The following BCAS3 variants were observed in gnomAD, a reference collection of about 807,000 sequenced individuals.
The protein encoded by BCAS3 is BCAS3 microtubule associated cell migration factor, also known as BCAS4/BCAS3 fusion.
A neutral mutation model predicts 116.1 loss-of-function variants in BCAS3; 53 were observed. The observed-to-expected ratio is 0.46, with a 90% CI of 0.37 to 0.57. The LOEUF (loss-of-function observed/expected upper bound fraction) is 0.57. Among genes scored for constraint, BCAS3 ranks in the 20% least tolerant of loss-of-function variants. The probability of loss-of-function intolerance (pLI) is 0.00; values close to 1 mark genes in which losing one functional copy is unlikely to be tolerated. For missense variants in BCAS3, 917 were observed against 1,165.4 expected (o/e 0.79, Z 3.10); for synonymous variants, 391 against 408.2 (o/e 0.96, Z 0.51).
At chr17:61,216,070 A>T (rs1013729896) in intron 22 of BCAS3, among the ~76,000 whole-genome samples, 7 of 152,164 alleles carry the variant, frequency 4.6e-5, no homozygotes, top group Admixed American at 2.6e-4. Flanking sequence ...TATTGCATAG[A>T]TTTTATTCCA....
intron 7 of BCAS3, among the ~76,000 whole-genome samples, chr17:60,814,383 T>G (rs2049172583): frequency 1.3e-5 from 2 of 152,028 alleles, no homozygotes; most frequent in South Asian, 4.2e-4. Flanking sequence ...TATAGAAATG[T>G]TACTGATTTT....
intron 6 of BCAS3, among the ~76,000 whole-genome samples, chr17:60,786,547 GTATATA>G (rs72319489): frequency 1.4e-5 from 2 of 140,698 alleles, no homozygotes; most frequent in Non-Finnish European, 1.6e-5. Context: ...CTGCAAATGT[GTATATA>G]TATATATATA....
chr17:61,386,133 C>T (rs999374747), intron 23 of BCAS3, among the ~76,000 whole-genome samples: 1 of 152,256 alleles, frequency 6.6e-6, no homozygotes. Flanking sequence ...TTCTTAGAAC[C>T]AGGCCATGAC....
intron 10 of BCAS3, among the ~76,000 whole-genome samples, chr17:60,890,020 GAACTTCATTCTATT>G (rs767406548): frequency 1.3e-5 from 2 of 152,202 alleles, no homozygotes; most frequent in African/African-American, 2.4e-5. Flanking sequence ...TTTATATAGA[GAACTTCATTCTATT>G]AATTTGCAGC....
In BCAS3 at chr17:61,134,148, T is replaced by C. The variant is rs1275875426; in HGVS notation, c.2425+49584T>C. ...ATATAGTCTGCTATAGTCTGGCCAGTATGAATTAAATAAAAGTCACATTCA... is the reference window on the plus strand; with the variant it reads ...ATATAGTCTGCTATAGTCTGGCCAGCATGAATTAAATAAAAGTCACATTCA... On this transcript the variant is annotated intron_variant, in intron 22 of 23. Transcript: ENST00000407086. This position sits in a 1 kb window ranked among gnomAD's most constrained non-coding sequence, Gnocchi z 4.6. 6.6e-6 allele frequency among the ~76,000 whole-genome samples: 1 copy of C among 152,160 alleles called. No individual in the cohort carries two copies. Among genetic ancestry groups the C allele is most frequent in the Non-Finnish European group, 1.5e-5 (1 of 68,028 alleles).
intron 22 of BCAS3, among the ~76,000 whole-genome samples, chr17:61,178,770 A>G (rs2079297636): frequency 6.6e-6 from 1 of 152,190 alleles, no homozygotes. Context: ...AAAATCAAAT[A>G]AATATTCCTC....
rs1049080010 is a variant in BCAS3 at position 61,344,064 on chromosome 17, G to A, written c.2426-24263G>A. On this transcript the variant is annotated intron_variant, in intron 22 of 23. Transcript: ENST00000407086. This position sits in a 1 kb window ranked among gnomAD's most constrained non-coding sequence, Gnocchi z 4.1. Reference sequence around the variant, plus strand: ...GGCAAGAGTCAGTAATAAGATCAGAGAGTAGAAGACTAGGGCCAGGAGCGT... The same window carrying A: ...GGCAAGAGTCAGTAATAAGATCAGAAAGTAGAAGACTAGGGCCAGGAGCGT... Among the ~76,000 whole-genome samples, 1 of 152,148 alleles carries A rather than the reference G, an allele frequency of 6.6e-6. No homozygotes were observed. Among genetic ancestry groups the A allele is most frequent in the Non-Finnish European group, 1.5e-5 (1 of 68,038 alleles).
chr17:60,787,932 A>G (rs966294009), intron 6 of BCAS3, among the ~76,000 whole-genome samples: 1 of 150,966 alleles, frequency 6.6e-6, no homozygotes, highest in Non-Finnish European at 1.5e-5. Flanking sequence ...TTTTTTTTTA[A>G]CTAGAAAAGT....
chr17:60,763,900 C>T (rs1191980637), intron 6 of BCAS3, among the ~76,000 whole-genome samples: 5 of 152,078 alleles, frequency 3.3e-5, no homozygotes, highest in African/African-American at 7.2e-5. Flanking sequence ...TTCAGAGATT[C>T]AACTTCTTCT....
intron 7 of BCAS3, among the ~76,000 whole-genome samples, chr17:60,849,324 C>T (rs528937460): frequency 3.2e-4 from 47 of 148,386 alleles, no homozygotes; most frequent in African/African-American, 1.1e-3. Flanking sequence ...TCTCTTTATT[C>T]ATTTCCTTTT....
At chr17:60,814,865 CTATTATT>C (rs1432041128) in intron 7 of BCAS3, among the ~76,000 whole-genome samples, 1 of 152,070 alleles carries the variant, frequency 6.6e-6, no homozygotes, top group Non-Finnish European at 1.5e-5. Flanking sequence ...TTCAGGAACA[CTATTATT>C]TAAAAGTCCT....
chr17:61,297,731 G>A (rs1010839726), intron 22 of BCAS3, among the ~76,000 whole-genome samples: 4 of 152,032 alleles, frequency 2.6e-5, no homozygotes, highest in Non-Finnish European at 4.4e-5. Flanking sequence ...GGGTGAAATC[G>A]GAAATCTAGG....
At chr17:60,999,887 T>C (rs1370415251) in intron 15 of BCAS3, among the ~76,000 whole-genome samples, 1 of 152,162 alleles carries the variant, frequency 6.6e-6, no homozygotes, top group Non-Finnish European at 1.5e-5. Flanking sequence ...TAGACGTATT[T>C]CTAGGTATTT....
intron 22 of BCAS3, among the ~76,000 whole-genome samples, chr17:61,242,486 C>CAG (rs1413245056): frequency 3.9e-5 from 6 of 152,036 alleles, no homozygotes; most frequent in African/African-American, 1.4e-4. Flanking sequence ...AGAGTGTAGC[C>CAG]CTCCTCCCTT....
At chr17:61,230,430 G>T (rs2082609557) in intron 22 of BCAS3, among the ~76,000 whole-genome samples, 1 of 151,960 alleles carries the variant, frequency 6.6e-6, no homozygotes, top group Non-Finnish European at 1.5e-5. Flanking sequence ...CGCCCAATAG[G>T]TAGTTTTTCA....
intron 5 of BCAS3, among the ~76,000 whole-genome samples, chr17:60,721,948 A>G (rs2039284662): frequency 1.3e-5 from 2 of 152,154 alleles, no homozygotes; most frequent in Admixed American, 1.3e-4. Flanking sequence ...TCTAAGAAAT[A>G]TGGTCATAGA....
At chr17:61,125,419 G>C (rs1241136819) in intron 22 of BCAS3, among the ~76,000 whole-genome samples, 1 of 152,042 alleles carries the variant, frequency 6.6e-6, no homozygotes, top group Non-Finnish European at 1.5e-5. Context: ...CAAGGATGAA[G>C]GACTAATCTA....
chr17:61,321,946 T>TTTG (rs1568848212), intron 22 of BCAS3, among the ~76,000 whole-genome samples: 3,283 of 152,108 alleles, frequency 0.022, 116 homozygotes, highest in African/African-American at 0.075. Context: ...TTGTTTGTTT[T>TTTG]TTTTGAGACG....
chr17:61,049,677 T>A (rs985472415), intron 19 of BCAS3, among the ~76,000 whole-genome samples: 19 of 151,228 alleles, frequency 1.3e-4, no homozygotes, highest in African/African-American at 4.6e-4. Flanking sequence ...AAAGACATGT[T>A]ACACACCAAG....
Sources: allele counts gnomAD v4.1 joint callset (sites outside exome capture counted in the v4.1 genomes callset), GRCh38; gene constraint gnomAD v4.1.1; non-coding constraint Gnocchi (gnomAD v3.1); transcripts MANE v1.5; gene names NCBI Gene and HGNC (gene_info 2026-07-23, HGNC 2026-07-21).